ANKFY1: variants seen among roughly 807,000 people sequenced by gnomAD.
ANKFY1 encodes ankyrin repeat and FYVE domain-containing protein 1.
Under a neutral mutation model 128.3 loss-of-function variants are expected in ANKFY1, and 47 were observed. The ratio of observed to expected loss-of-function variants is 0.37; its 90% CI spans 0.29 to 0.47. The LOEUF (loss-of-function observed/expected upper bound fraction) is 0.47. Among genes scored for constraint, ANKFY1 ranks in the 20% least tolerant of loss-of-function variants. The pLI is 1.00. For missense variants in ANKFY1, 1,222 were observed against 1,510.6 expected, an observed-to-expected ratio of 0.81 and a Z score of 3.17; for synonymous variants, 553 against 601.6, an observed-to-expected ratio of 0.92 and a Z score of 1.18.
intron 22 of ANKFY1, among the ~76,000 whole-genome samples, chr17:4,171,945 T>C (rs1006315201): frequency 5.9e-5 from 9 of 152,170 alleles, no homozygotes; most frequent in African/African-American, 2.2e-4. Context: ...ATGGGGTTAC[T>C]TTTCCTTACC....
chr17:4,190,249 C>T (rs776053061), intron 10 of ANKFY1, among the ~76,000 whole-genome samples: 9 of 151,960 alleles, frequency 5.9e-5, no homozygotes, highest in African/African-American at 1.2e-4. Context: ...GAGATCAGCC[C>T]GGCCGACATG....
chr17:4,189,538 A>C (rs1177732451), intron 10 of ANKFY1, 59 bp from the exon 11 acceptor site: 1 of 1,414,188 alleles, frequency 7.1e-7, no homozygotes, highest in Non-Finnish European at 9.7e-7. Flanking sequence ...GTCACGCTGC[A>C]CAACACCCTG....
Position 4,169,712 on chromosome 17 carries a change from G to A in ANKFY1, c.3287-424C>T, listed in dbSNP as rs571979313. ...TGAACACAAGTGTGGGATGTGAGCG[G>A]GAGCAGGCAGAAGACACGGGTGATT... On this transcript the variant is annotated intron_variant, in intron 23 of 24. Coordinates refer to ENST00000341657, the MANE Select transcript of ANKFY1 (RefSeq NM_001330063.2). The surrounding 1 kb of genome is among the most constrained non-coding windows in gnomAD (Gnocchi z 5.0). Among the ~76,000 whole-genome samples the A allele has an allele frequency of 5.1e-4, 78 of 152,338 alleles. No individual in the cohort carries two copies. The highest frequency in any genetic ancestry group is 1.7e-3 in the African/African-American group (72 of 41,572).
chr17:4,206,117 A>C (rs189329957), intron 7 of ANKFY1, among the ~76,000 whole-genome samples: 196 of 152,330 alleles, frequency 1.3e-3, no homozygotes, highest in African/African-American at 4.2e-3. Flanking sequence ...CCCTGTTGGC[A>C]CGGTGAATGG....
At chr17:4,211,055 AG>A (rs1438046001) in intron 4 of ANKFY1, among the ~76,000 whole-genome samples, 28 of 152,056 alleles carry the variant, frequency 1.8e-4, no homozygotes, top group African/African-American at 6.5e-4. Context: ...AAAAATAAAA[AG>A]AAAAAAAGAA....
intron 6 of ANKFY1, among the ~76,000 whole-genome samples, chr17:4,207,193 G>C (rs1317591387): frequency 1.3e-5 from 2 of 151,932 alleles, no homozygotes; most frequent in African/African-American, 4.8e-5. Context: ...TCTAACCACA[G>C]AGGGCCCGAT....
chr17:4,170,479 G>A (rs914878472), intron 23 of ANKFY1, among the ~76,000 whole-genome samples: 47 of 152,178 alleles, frequency 3.1e-4, no homozygotes, highest in African/African-American at 1.1e-3. Flanking sequence ...CTAGAAGGTT[G>A]TGGGGTGTGG....
chr17:4,221,571 A>G (rs2060312915), intron 3 of ANKFY1, among the ~76,000 whole-genome samples: 1 of 151,890 alleles, frequency 6.6e-6, no homozygotes, highest in Non-Finnish European at 1.5e-5. Flanking sequence ...GGTGTCTTGA[A>G]TCTCCTATTA....
intron 7 of ANKFY1, among the ~76,000 whole-genome samples, chr17:4,204,305 T>G (rs2143014383): frequency 6.6e-6 from 1 of 152,296 alleles, no homozygotes. Flanking sequence ...TCGCATTCTC[T>G]GAACAAACCA....
chr17:4,234,479 T>C (rs150360271), intron 3 of ANKFY1, among the ~76,000 whole-genome samples: 21 of 152,256 alleles, frequency 1.4e-4, no homozygotes, highest in Non-Finnish European at 2.5e-4. Context: ...CAAGTAACAT[T>C]AAATAGGCCA....
At chr17:4,255,616 T>A (rs1968073994) in intron 1 of ANKFY1, among the ~76,000 whole-genome samples, 1 of 152,180 alleles carries the variant, frequency 6.6e-6, no homozygotes, top group Non-Finnish European at 1.5e-5. Context: ...GTCCATTAGA[T>A]AAAAGAGAAA....
At chr17:4,215,479 G>C (rs1252715978) in intron 4 of ANKFY1, among the ~76,000 whole-genome samples, 2 of 152,032 alleles carry the variant, frequency 1.3e-5, no homozygotes, top group African/African-American at 4.8e-5. Context: ...CGCACCCGTC[G>C]CTAGCACCCT....
Position 4,173,522 on chromosome 17 carries a change from C to T in ANKFY1, c.2924-78G>A, listed in dbSNP as rs1598008645. 9 of 1,367,338 alleles carry T rather than the reference C, an allele frequency of 6.6e-6. No homozygotes were observed. In the East Asian group the frequency reaches 1.9e-4, roughly 29 times the overall value. The allele number at this position is 1,367,338 out of a possible 1,614,324, so 84.7% of individuals were successfully genotyped here. On this transcript the variant is annotated intron_variant, in intron 20 of 24. Coordinates refer to ENST00000341657, the MANE Select transcript of ANKFY1 (RefSeq NM_001330063.2). ...CTCCACTCCTCCTCACCCTCACAGA[C>T]CTCTCTGTAAATGGGACCCGGCCAC...
chr17:4,169,394 G>A lies in ANKFY1; in HGVS notation c.3287-106C>T, dbSNP rs758243257. ...ACAGACCCGTAAGTGAGGCAGCGCTGCCACATGACATAGGTGACGAAGGAG... is the reference window on the plus strand; with the variant it reads ...ACAGACCCGTAAGTGAGGCAGCGCTACCACATGACATAGGTGACGAAGGAG... On this transcript the variant is annotated intron_variant, in intron 23 of 24. Coordinates refer to ENST00000341657, the MANE Select transcript of ANKFY1 (RefSeq NM_001330063.2). This position sits in a 1 kb window ranked among gnomAD's most constrained non-coding sequence, Gnocchi z 5.0. The A allele has an allele frequency of 3.7e-6, 3 of 801,062 alleles. No homozygotes were observed. In the East Asian group the frequency reaches 8.1e-5, roughly 22 times the overall value. 49.6% of individuals were successfully genotyped at this position (801,062 alleles called of 1,614,324 possible).
intron 1 of ANKFY1, 36 bp downstream of exon 1, chr17:4,263,896 C>A (rs199737832): frequency 1.2e-6 from 2 of 1,613,724 alleles, no homozygotes; most frequent in Non-Finnish European, 1.7e-6. Context: ...CCCACAGCTC[C>A]GTGTCTTCCC....
intron 3 of ANKFY1, among the ~76,000 whole-genome samples, chr17:4,218,652 A>G (rs971208282): frequency 5.9e-5 from 9 of 152,216 alleles, no homozygotes; most frequent in African/African-American, 1.9e-4. Context: ...GTAACCAAAC[A>G]CTGCCTGTTC....
At chr17:4,235,482 A>C (rs1284758272) in intron 3 of ANKFY1, among the ~76,000 whole-genome samples, 1 of 152,150 alleles carries the variant, frequency 6.6e-6, no homozygotes, top group Non-Finnish European at 1.5e-5. Flanking sequence ...TTTTTCATGA[A>C]ATGAGTGTAC....
At position 4,171,117 on chromosome 17, in the gene ANKFY1, G is replaced by A. The variant is rs182620815; in HGVS notation, c.3140-256C>T. ...GTTTCCAAGACACAGTCTTTCCCAC[G>A]TAGAGCTTGGGCTGCAAGAGAGCTG... On this transcript the variant is annotated intron_variant, in intron 22 of 24. Transcript: ENST00000341657. 7.7e-4 allele frequency among the ~76,000 whole-genome samples: 117 copies of A among 152,338 alleles called. 1 individual carries two copies. Among genetic ancestry groups the A allele is most frequent in the South Asian group, 2.1e-3 (10 of 4,832 alleles).
chr17:4,215,240 A>G, intron 4 of ANKFY1, among the ~76,000 whole-genome samples: 1 of 150,276 alleles, frequency 6.7e-6, no homozygotes, highest in Non-Finnish European at 1.5e-5. Context: ...GTGAGCCAAG[A>G]CTGTGCCATT....
Sources: gnomAD v4.1 joint callset for allele counts (sites outside exome capture counted in the v4.1 genomes callset) on GRCh38, gnomAD v4.1.1 for gene constraint, Gnocchi (gnomAD v3.1) non-coding constraint, MANE v1.5 for transcripts, NCBI Gene and HGNC (gene_info 2026-07-23, HGNC 2026-07-21) for gene names.